Variants in CPT1C observed in about 807,000 individuals in gnomAD.
CPT1C encodes the protein carnitine palmitoyltransferase 1C.
A neutral mutation model predicts 97.3 loss-of-function variants in CPT1C; 61 were observed. That is an observed-to-expected ratio of 0.63 (90% CI 0.51 to 0.78). The LOEUF (loss-of-function observed/expected upper bound fraction) is 0.78, where lower values mean the gene tolerates loss of function less well. Ranked by LOEUF, CPT1C falls within the 30% of genes least tolerant of loss-of-function variation. The pLI, the probability that CPT1C is intolerant of heterozygous loss-of-function variation, is 0.00. For missense variants in CPT1C, 975 were observed against 1,065.5 expected (o/e 0.92, Z 1.18); for synonymous variants, 469 against 447.2 (o/e 1.05, Z -0.61).
intron 18 of CPT1C, 49 bp from the exon 19 acceptor site, chr19:49,712,923 G>C: frequency 6.3e-7 from 1 of 1,594,530 alleles, no homozygotes; most frequent in Non-Finnish European, 8.6e-7. Context: ...CATAGTGGGG[G>C]TGGAGGGGAC....
chr19:49,691,092 A>G (rs1455833267), upstream of CPT1C: 2 of 151,558 alleles, frequency 1.3e-5, no homozygotes, highest in African/African-American at 2.4e-5. Context: ...GATTGGAAGG[A>G]GGCGGGGATA....
At chr19:49,694,304 G>C (rs1431146919) in intron 3 of CPT1C, among the ~76,000 whole-genome samples, 1 of 152,058 alleles carries the variant, frequency 6.6e-6, no homozygotes, top group South Asian at 2.1e-4. Flanking sequence ...AAATCGGGTA[G>C]AGAAGAGTGA....
At position 49,708,801 on chromosome 19, in the gene CPT1C, C is replaced by T. The variant is rs201455231; in HGVS notation, c.1528C>T (p.Pro510Ser). ...CAAGGGGCACCCGGACCCCACACTA[C>T]CCCAGCCCCAGCGGCTGCAATGGGA... Reference protein sequence around the residue: ...HCKGHPDPTLPQPQRLQWDLP... With the variant: ...HCKGHPDPTLSQPQRLQWDLP... The change falls in exon 14 of 20, where the codon CCC becomes TCC. Residue 510 changes from proline to serine, a missense_variant. Transcript: ENST00000598293. 2 of 1,613,644 alleles carry T rather than the reference C, an allele frequency of 1.2e-6. No homozygotes were observed. The highest frequency in any genetic ancestry group is 1.3e-5 in the African/African-American group (1 of 74,898).
intron 5 of CPT1C, 113 bp downstream of exon 5, chr19:49,700,968 C>A: frequency 9.0e-7 from 1 of 1,113,470 alleles, no homozygotes; most frequent in Non-Finnish European, 1.3e-6. Context: ...CTCTCTGGGT[C>A]TCTTCCCCCT....
At chr19:49,690,665 A>C, upstream of CPT1C, 3 of 581,188 alleles carry the variant, frequency 5.2e-6, no homozygotes, top group South Asian at 3.3e-5. This position sits in a 1 kb window ranked among gnomAD's most constrained non-coding sequence, Gnocchi z 4.4. Flanking sequence ...CTTCTCCCTC[A>C]CGGAAGTCCC....
At chr19:49,708,627 C>T (rs1446562454) in intron 13 of CPT1C, 96 bp from the exon 14 acceptor site, 3 of 858,844 alleles carry the variant, frequency 3.5e-6, no homozygotes, top group African/African-American at 1.7e-5. Flanking sequence ...GGGACTGCCC[C>T]CTACCCGAAA....
At chr19:49,707,285 C>G (rs112958798) in intron 12 of CPT1C, among the ~76,000 whole-genome samples, 2,545 of 152,044 alleles carry the variant, frequency 0.017, 50 homozygotes, top group African/African-American at 0.056. Flanking sequence ...AACTCCATCT[C>G]AAAACAAACA....
chr19:49,707,373 C>T (rs1483989602), intron 12 of CPT1C, 145 bp from the exon 13 acceptor site: 27 of 637,458 alleles, frequency 4.2e-5, no homozygotes, highest in South Asian at 2.4e-4. Flanking sequence ...CTGGGGACCC[C>T]CAATGGTCCT....
chr19:49,706,171 CAG>C lies in CPT1C; in HGVS notation c.1161-59_1161-58del. Reference sequence around the variant, plus strand: ...CCAGTGTCCTGAGACTGTGGAAGGGCAGGGTGGGGCCAGGTGGCGGCTGGGCA... The same window carrying C: ...CCAGTGTCCTGAGACTGTGGAAGGGCGGTGGGGCCAGGTGGCGGCTGGGCA... On this transcript the variant is annotated intron_variant, in intron 11 of 19. Coordinates refer to ENST00000598293, the MANE Select transcript of CPT1C (RefSeq NM_001199753.2). This position sits in a 1 kb window ranked among gnomAD's most constrained non-coding sequence, Gnocchi z 4.8. 6.4e-7 allele frequency: 1 copy of C among 1,554,976 alleles called. No individual in the cohort carries two copies. The highest frequency in any genetic ancestry group is 8.7e-7 in the Non-Finnish European group (1 of 1,149,796).
At chr19:49,705,831 A>G (rs2083465779) in intron 10 of CPT1C, 78 bp from the exon 11 acceptor site, 1 of 1,318,424 alleles carries the variant, frequency 7.6e-7, no homozygotes, top group African/African-American at 1.5e-5. Flanking sequence ...ACGACACCTA[A>G]GAAGTATATA....
At chr19:49,701,040 TGTCCCCCTCTCTCTCTGTGTCTCC>T (rs1568516211) in intron 5 of CPT1C, among the ~76,000 whole-genome samples, 185 bp downstream of exon 5, 1 of 134,978 alleles carries the variant, frequency 7.4e-6, no homozygotes, top group African/African-American at 2.8e-5. Context: ...TCTGGGTCTC[TGTCCCCCTCTCTCTCTGTGTCTCC>T]GTCCCCCCCT....
intron 19 of CPT1C, 125 bp downstream of exon 19, chr19:49,713,189 G>T (rs1463187767): frequency 1.0e-5 from 9 of 862,356 alleles, no homozygotes; most frequent in African/African-American, 1.8e-5. Context: ...AGACCCAGGA[G>T]TCCAGGCCCC....
chr19:49,711,466 C>T lies in CPT1C; in HGVS notation c.1867-343C>T, dbSNP rs1489377454. The T allele has an allele frequency of 2.3e-5, 6 of 256,566 alleles. No individual in the cohort carries two copies. In the South Asian group the frequency reaches 5.4e-4, roughly 23 times the overall value. 15.9% of individuals were successfully genotyped at this position (256,566 alleles called of 1,614,324 possible). A position where few individuals can be genotyped will look rare whatever the true frequency, so the allele number is the denominator to read the frequency against. On this transcript the variant is annotated intron_variant, in intron 16 of 19. Transcript: ENST00000598293. ...TAACCTCTTTGTGACTTGTGACCTTCCTTTGCACCCCTGTACCCTCTCTGC... is the reference window on the plus strand; with the variant it reads ...TAACCTCTTTGTGACTTGTGACCTTTCTTTGCACCCCTGTACCCTCTCTGC...
rs1159261530 is a variant in CPT1C at position 49,706,828 on chromosome 19, C to T, written c.1343+415C>T. 6.6e-6 allele frequency among the ~76,000 whole-genome samples: 1 copy of T among 152,118 alleles called. No homozygotes were observed. Among genetic ancestry groups the T allele is most frequent in the East Asian group, 1.9e-4 (1 of 5,178 alleles). On this transcript the variant is annotated intron_variant, in intron 12 of 19. Coordinates refer to ENST00000598293, the MANE Select transcript of CPT1C (RefSeq NM_001199753.2). The surrounding 1 kb of genome is among the most constrained non-coding windows in gnomAD (Gnocchi z 4.8). ...TTCAATCCTCAGGCCTTAATGCAGG[C>T]ACCCCAAATCCATGGCCCTAGACCC...
Position 49,713,468 on chromosome 19 carries a change from G to A in CPT1C, c.2275G>A (p.Ala759Thr). 1 of 1,614,214 alleles carries A rather than the reference G, an allele frequency of 6.2e-7. No homozygotes were observed. The highest frequency in any genetic ancestry group is 8.5e-7 in the Non-Finnish European group (1 of 1,180,024). ...CATTGAGGACGCACTGCTGGATGTGGCCTCCCTGTTCCAGGCGGGACAGCA... is the reference window on the plus strand; with the variant it reads ...CATTGAGGACGCACTGCTGGATGTGACCTCCCTGTTCCAGGCGGGACAGCA... ...QHIEDALLDVASLFQAGQHFK... is the reference protein window; with the variant it reads ...QHIEDALLDVTSLFQAGQHFK... The change falls in exon 20 of 20, where the codon GCC becomes ACC. Residue 759 changes from alanine to threonine, a missense_variant. This residue lies in a region of CPT1C where 344 missense variants were observed against 395.7 expected (regional missense o/e 0.87). Coordinates refer to ENST00000598293, the MANE Select transcript of CPT1C (RefSeq NM_001199753.2).
At chr19:49,700,586 A>G in intron 4 of CPT1C, 98 bp from the exon 5 acceptor site, 1 of 1,356,346 alleles carries the variant, frequency 7.4e-7, no homozygotes, top group Non-Finnish European at 1.0e-6. Context: ...TCTCTGTCTG[A>G]CAGCCAAAAG....
At chr19:49,709,250 C>T (rs1283999121) in intron 14 of CPT1C, among the ~76,000 whole-genome samples, 4 of 151,912 alleles carry the variant, frequency 2.6e-5, no homozygotes, top group African/African-American at 9.7e-5. Context: ...ACCCTAACCC[C>T]ATACCCAACC....
chr19:49,702,269 T>C (rs565039742), intron 7 of CPT1C, among the ~76,000 whole-genome samples: 2 of 148,424 alleles, frequency 1.3e-5, no homozygotes, highest in African/African-American at 2.5e-5. Flanking sequence ...GTTTGGGGTA[T>C]AGATGCTCCA....
rs534573403 is a variant in CPT1C, at chr19:49,710,242, G to A, written c.1567-78G>A. The A allele has an allele frequency of 2.5e-5, 35 of 1,420,420 alleles. No homozygotes were observed. In the South Asian group the frequency reaches 3.2e-4, roughly 13 times the overall value. 88.0% of individuals were successfully genotyped at this position (1,420,420 alleles called of 1,614,324 possible). A position where few individuals can be genotyped will look rare whatever the true frequency, so the allele number is the denominator to read the frequency against. Reference sequence around the variant, plus strand: ...CAACCTTAACTCCACATCCACCTCCGCTTCCAGCCTTATTCCTGGCTTTCA... The same window carrying A: ...CAACCTTAACTCCACATCCACCTCCACTTCCAGCCTTATTCCTGGCTTTCA... On this transcript the variant is annotated intron_variant, in intron 14 of 19. Transcript: ENST00000598293.
Sources: allele counts gnomAD v4.1 joint callset (sites outside exome capture counted in the v4.1 genomes callset), GRCh38; gene constraint gnomAD v4.1.1; regional missense constraint gnomAD v4.1.1; non-coding constraint Gnocchi (gnomAD v3.1); transcripts MANE v1.5; gene names NCBI Gene and HGNC (gene_info 2026-07-23, HGNC 2026-07-21).